Variants in LRMDA observed in about 807,000 individuals in gnomAD.
LRMDA encodes the protein leucine-rich melanocyte differentiation-associated protein.
LRMDA carries 18 observed loss-of-function variants against 29.8 expected under a neutral mutation model. That is an observed-to-expected ratio of 0.60 (90% CI 0.42 to 0.90). The LOEUF is 0.90. Ranked by LOEUF, LRMDA falls within the 40% of genes least tolerant of loss-of-function variation. The pLI, the probability that LRMDA is intolerant of heterozygous loss-of-function variation, is 0.00. For synonymous variants in LRMDA, 125 were observed against 109.4 expected (o/e 1.14, Z -0.89); for missense variants, 273 against 273.9 (o/e 1.00, Z 0.02).
chr10:75,435,012 C>A (rs538762327), intron 1 of LRMDA, among the ~76,000 whole-genome samples: 11 of 152,182 alleles, frequency 7.2e-5, no homozygotes, highest in Non-Finnish European at 2.9e-5. Flanking sequence ...GTTTCTTCTC[C>A]GTAGGGGTCT....
chr10:76,249,478 C>T (rs1390328368), intron 5 of LRMDA, among the ~76,000 whole-genome samples: 1 of 152,140 alleles, frequency 6.6e-6, no homozygotes, highest in Non-Finnish European at 1.5e-5. Flanking sequence ...CGATGGCACC[C>T]ATGAAGGAAG....
intron 2 of LRMDA, among the ~76,000 whole-genome samples, chr10:75,689,776 T>A (rs1243046154): frequency 6.6e-6 from 1 of 152,158 alleles, no homozygotes; most frequent in Non-Finnish European, 1.5e-5. Context: ...TTCCAGTCTA[T>A]CATTTTCATC....
chr10:76,048,494 A>G (rs1848478716), intron 4 of LRMDA, among the ~76,000 whole-genome samples: 1 of 152,194 alleles, frequency 6.6e-6, no homozygotes, highest in Admixed American at 6.5e-5. Flanking sequence ...AACTGGTCGC[A>G]TTAGCAAAAG....
chr10:76,416,753 GC>G (rs1425318162), intron 6 of LRMDA, among the ~76,000 whole-genome samples: 1 of 152,180 alleles, frequency 6.6e-6, no homozygotes, highest in Non-Finnish European at 1.5e-5. Flanking sequence ...GGCAGAGGCT[GC>G]ATATCTGTTT....
Position 76,036,141 on chromosome 10 carries a change from T to C in LRMDA, c.258+7T>C, listed in dbSNP as rs1156637248. On this transcript the variant is annotated splice_region_variant and intron_variant, in intron 3 of 6. Coordinates refer to ENST00000611255, the MANE Select transcript of LRMDA (RefSeq NM_001305581.2). ...AACCCTCAACAAGAACCGAATATCC[T>C]TTCCTCTGCCCGCTGCCCCCACTCC... The C allele has an allele frequency of 6.2e-7, 1 of 1,611,792 alleles. No individual in the cohort carries two copies. Among genetic ancestry groups the C allele is most frequent in the African/African-American group, 1.3e-5 (1 of 74,764 alleles).
chr10:76,451,386 C>G (rs1455393861), intron 6 of LRMDA, among the ~76,000 whole-genome samples: 1 of 151,432 alleles, frequency 6.6e-6, no homozygotes, highest in South Asian at 2.1e-4. Flanking sequence ...GTTATATTTT[C>G]AGTACAGACG....
chr10:75,616,304 G>T (rs891430), intron 2 of LRMDA, among the ~76,000 whole-genome samples: 4 of 149,388 alleles, frequency 2.7e-5, no homozygotes, highest in Non-Finnish European at 5.9e-5. Flanking sequence ...TAGTGGTGGT[G>T]GTGGTGTTTA....
At chr10:76,164,400 A>G (rs557775082) in intron 5 of LRMDA, among the ~76,000 whole-genome samples, 1 of 152,314 alleles carries the variant, frequency 6.6e-6, no homozygotes, top group East Asian at 1.9e-4. Flanking sequence ...GACAGTGTCC[A>G]CCTGTTTTTT....
chr10:75,565,688 G>A lies in LRMDA; in HGVS notation c.131+127194G>A, dbSNP rs539497445. 1.3e-4 allele frequency among the ~76,000 whole-genome samples: 20 copies of A among 152,232 alleles called. 3 individuals are homozygous for A. The highest frequency in any genetic ancestry group is 4.6e-4 in the African/African-American group (19 of 41,546). ...TAGCCAATAAATAAAGTCATGGAAA[G>A]GTATGTTATTTTTTTGCTGGTCAAC... On this transcript the variant is annotated intron_variant, in intron 2 of 6. Coordinates refer to ENST00000611255, the MANE Select transcript of LRMDA (RefSeq NM_001305581.2).
At chr10:75,652,165 G>T (rs12098789) in intron 2 of LRMDA, among the ~76,000 whole-genome samples, 4,638 of 152,004 alleles carry the variant, frequency 0.031, 245 homozygotes, top group African/African-American at 0.11. Context: ...GCAGCCATGG[G>T]CACTCAGCCT....
chr10:75,682,035 C>G (rs1348498117), intron 2 of LRMDA, among the ~76,000 whole-genome samples: 1 of 152,168 alleles, frequency 6.6e-6, no homozygotes, highest in Non-Finnish European at 1.5e-5. Flanking sequence ...TTGCTTTCAG[C>G]TTTCTTGTGA....
intron 2 of LRMDA, among the ~76,000 whole-genome samples, chr10:75,827,287 G>A (rs945973636): frequency 6.6e-6 from 1 of 152,202 alleles, no homozygotes; most frequent in African/African-American, 2.4e-5. Flanking sequence ...GAATAAGCAA[G>A]AGACCTTATG....
chr10:75,509,194 TCTC>T (rs1378954005), intron 2 of LRMDA, among the ~76,000 whole-genome samples: 2 of 152,100 alleles, frequency 1.3e-5, no homozygotes, highest in African/African-American at 4.8e-5. Flanking sequence ...CTGGCTGACA[TCTC>T]CTACCCCGTT....
intron 6 of LRMDA, among the ~76,000 whole-genome samples, chr10:76,423,531 T>C (rs1338757577): frequency 6.6e-6 from 1 of 152,230 alleles, no homozygotes; most frequent in Admixed American, 6.5e-5. Flanking sequence ...CATAAGGTTG[T>C]TGGCTGGGTT....
At chr10:76,178,441 A>G (rs1050204108) in intron 5 of LRMDA, among the ~76,000 whole-genome samples, 3 of 152,230 alleles carry the variant, frequency 2.0e-5, no homozygotes, top group African/African-American at 7.2e-5. Flanking sequence ...GCACTGCAGC[A>G]TAAGTCCTTA....
intron 5 of LRMDA, among the ~76,000 whole-genome samples, chr10:76,127,061 A>C (rs1489358594): frequency 1.3e-5 from 2 of 152,200 alleles, no homozygotes; most frequent in African/African-American, 4.8e-5. Flanking sequence ...AGGAAATGCC[A>C]AGTGGATGTT....
intron 2 of LRMDA, among the ~76,000 whole-genome samples, chr10:75,961,984 T>A (rs1846776242): frequency 6.6e-6 from 1 of 152,164 alleles, no homozygotes; most frequent in African/African-American, 2.4e-5. Context: ...CATCTTCACC[T>A]GGCATCTCCC....
intron 5 of LRMDA, among the ~76,000 whole-genome samples, chr10:76,103,307 A>G (rs980320594): frequency 2.0e-5 from 3 of 152,220 alleles, no homozygotes; most frequent in African/African-American, 7.2e-5. Flanking sequence ...GGTTGTTTTT[A>G]ACAATAAGAG....
intron 5 of LRMDA, among the ~76,000 whole-genome samples, chr10:76,123,173 G>A (rs1413570810): frequency 3.3e-5 from 5 of 151,992 alleles, no homozygotes; most frequent in Admixed American, 6.6e-5. Flanking sequence ...GAATTCTACT[G>A]GGTCAGTGAC....
Sources: gnomAD v4.1 joint callset for allele counts (sites outside exome capture counted in the v4.1 genomes callset) on GRCh38, gnomAD v4.1.1 for gene constraint, MANE v1.5 for transcripts, NCBI Gene and HGNC (gene_info 2026-07-23, HGNC 2026-07-21) for gene names.